Variants in FEZ2 observed in about 807,000 individuals in gnomAD.
FEZ2 encodes the protein fasciculation and elongation protein zeta 2, also known as fasciculation and elongation protein zeta-2.
In FEZ2, 51 loss-of-function variants were observed where a neutral mutation model predicts 40.4. The ratio of observed to expected loss-of-function variants is 1.26; its 90% confidence interval spans 1.01 to 1.59. The LOEUF (loss-of-function observed/expected upper bound fraction) is 1.59, where lower values mean the gene tolerates loss of function less well. FEZ2 is among the 40% of genes most tolerant of loss of function. FEZ2 has a pLI of 0.00. For synonymous variants in FEZ2, 242 were observed against 172.0 expected, an observed-to-expected ratio of 1.41 and a Z score of -3.18; for missense variants, 640 against 438.3, an observed-to-expected ratio of 1.46 and a Z score of -4.11.
intron 6 of FEZ2, chr2:36,557,219 G>C (rs1313058842): frequency 1.3e-5 from 2 of 152,098 alleles, no homozygotes; most frequent in Admixed American, 1.3e-4. Context: ...AAGAGATCCA[G>C]CTCTGTAACT....
At chr2:36,573,919 T>C (rs1668491516) in intron 5 of FEZ2, among the ~76,000 whole-genome samples, 1 of 152,232 alleles carries the variant, frequency 6.6e-6, no homozygotes, top group Non-Finnish European at 1.5e-5. Flanking sequence ...TACACAATAA[T>C]TTGAAAAGCT....
chr2:36,553,558 C>CAG (rs1667877249), intron 7 of FEZ2, among the ~76,000 whole-genome samples: 1 of 152,120 alleles, frequency 6.6e-6, no homozygotes, highest in African/African-American at 2.4e-5. Context: ...CGGCAGCAGC[C>CAG]ACGCGTACAT....
At chr2:36,571,452 G>A (rs180805727) in intron 5 of FEZ2, among the ~76,000 whole-genome samples, 1 of 152,030 alleles carries the variant, frequency 6.6e-6, no homozygotes, top group Non-Finnish European at 1.5e-5. Flanking sequence ...CTTGAGGCCA[G>A]TAGTTCAAGA....
At chr2:36,572,017 GAAAAAAAAA>G (rs34787798) in intron 5 of FEZ2, among the ~76,000 whole-genome samples, 9 of 110,110 alleles carry the variant, frequency 8.2e-5, no homozygotes, top group South Asian at 3.4e-4. Context: ...TCCGTCTCAG[GAAAAAAAAA>G]AAAAAAAAAA....
intron 7 of FEZ2, chr2:36,554,231 C>T (rs1206395389): frequency 4.2e-6 from 2 of 471,228 alleles, no homozygotes; most frequent in Non-Finnish European, 4.4e-6. Context: ...TTCCCTAAGG[C>T]ATGCGGTATA....
At chr2:36,577,962 G>A (rs577872289) in intron 5 of FEZ2, among the ~76,000 whole-genome samples, 1 of 152,252 alleles carries the variant, frequency 6.6e-6, no homozygotes, top group East Asian at 1.9e-4. Context: ...AAATCAAGGT[G>A]GGAATACACA....
At chr2:36,596,307 C>T (rs139664972) in intron 1 of FEZ2, among the ~76,000 whole-genome samples, 1 of 152,216 alleles carries the variant, frequency 6.6e-6, no homozygotes, top group Admixed American at 6.5e-5. Context: ...CTACCTTATT[C>T]CTGATAAATC....
chr2:36,570,897 C>CA (rs1340610141), intron 5 of FEZ2, among the ~76,000 whole-genome samples: 1 of 152,170 alleles, frequency 6.6e-6, no homozygotes, highest in Non-Finnish European at 1.5e-5. Flanking sequence ...AGACTGTATA[C>CA]AAGAAGAACA....
intron 5 of FEZ2, among the ~76,000 whole-genome samples, chr2:36,563,604 A>G (rs1668152386): frequency 6.6e-6 from 1 of 151,660 alleles, no homozygotes; most frequent in African/African-American, 2.4e-5. Context: ...CTACCTCCCC[A>G]GAAGTCAGGC....
At chr2:36,559,595 T>A (rs1038319850) in intron 5 of FEZ2, among the ~76,000 whole-genome samples, 21 of 152,250 alleles carry the variant, frequency 1.4e-4, no homozygotes, top group Admixed American at 1.3e-4. Flanking sequence ...GACGTAGACT[T>A]CTTGCAGGTG....
chr2:36,586,161 C>T (rs953802931), intron 2 of FEZ2, among the ~76,000 whole-genome samples: 1 of 152,114 alleles, frequency 6.6e-6, no homozygotes, highest in African/African-American at 2.4e-5. Context: ...ATGTGGCACA[C>T]TGTGATCACA....
intron 6 of FEZ2, chr2:36,555,984 T>G (rs10194100): frequency 1.6e-6 from 1 of 636,620 alleles, no homozygotes. Flanking sequence ...TACCTGAGAG[T>G]TGCTTCCCTG....
chr2:36,591,770 C>G (rs1379202583), intron 1 of FEZ2, among the ~76,000 whole-genome samples: 1 of 152,264 alleles, frequency 6.6e-6, no homozygotes, highest in East Asian at 1.9e-4. Context: ...GGGAAACAAA[C>G]TCTCATCTCC....
intron 1 of FEZ2, 24 bp downstream of exon 1, chr2:36,597,853 T>G (rs746829721): frequency 3.8e-6 from 5 of 1,331,032 alleles, no homozygotes; most frequent in Non-Finnish European, 4.8e-6. Flanking sequence ...TCCCGCCCAC[T>G]CCCGGCCGGG....
chr2:36,563,162 A>C (rs1668136538), intron 5 of FEZ2, among the ~76,000 whole-genome samples: 1 of 152,250 alleles, frequency 6.6e-6, no homozygotes, highest in Non-Finnish European at 1.5e-5. Flanking sequence ...GACATTACTG[A>C]GCCATCTCAA....
chr2:36,588,098 G>C (rs151188644), intron 2 of FEZ2, among the ~76,000 whole-genome samples: 34 of 151,944 alleles, frequency 2.2e-4, no homozygotes, highest in Admixed American at 3.3e-4. Context: ...GCGTGATCTC[G>C]GCGCACTGCA....
chr2:36,597,833 T>A (rs1669277122), intron 1 of FEZ2, 44 bp downstream of exon 1: 1 of 1,308,992 alleles, frequency 7.6e-7, no homozygotes, highest in East Asian at 3.1e-5. Context: ...GGGCGAGGGG[T>A]AGGGGAGGCT....
chr2:36,579,936 G>C (rs1025842558), intron 4 of FEZ2, among the ~76,000 whole-genome samples: 7 of 152,098 alleles, frequency 4.6e-5, no homozygotes, highest in Admixed American at 3.3e-4. Flanking sequence ...CATCAGGATA[G>C]GCCCTAACCC....
chr2:36,568,793 T>C (rs1668324671), intron 5 of FEZ2, among the ~76,000 whole-genome samples: 1 of 152,228 alleles, frequency 6.6e-6, no homozygotes, highest in African/African-American at 2.4e-5. Context: ...TACTCACCAC[T>C]GCCTCGTGGT....
Sources: allele counts gnomAD v4.1 joint callset (sites outside exome capture counted in the v4.1 genomes callset), GRCh38; gene constraint gnomAD v4.1.1; transcripts MANE v1.5; gene names NCBI Gene and HGNC (gene_info 2026-07-23, HGNC 2026-07-21).